PARD3B: variants seen among roughly 807,000 people sequenced by gnomAD.
PARD3B encodes par-3 family cell polarity regulator beta, also known as partitioning defective 3 homolog B.
Under a neutral mutation model 130.2 loss-of-function variants are expected in PARD3B, and 103 were observed. The observed-to-expected ratio is 0.79, with a 90% confidence interval of 0.67 to 0.93. PARD3B has a LOEUF of 0.93. Among genes scored for constraint, PARD3B ranks in the 40% least tolerant of loss-of-function variants. The pLI, the probability that PARD3B is intolerant of heterozygous loss-of-function variation, is 0.00. For synonymous variants in PARD3B, 583 were observed against 553.2 expected (o/e 1.05, Z -0.76); for missense variants, 1,609 against 1,499.2 (o/e 1.07, Z -1.21).
chr2:205,354,230 C>T (rs1199439556), intron 18 of PARD3B, among the ~76,000 whole-genome samples: 1 of 150,974 alleles, frequency 6.6e-6, no homozygotes, highest in Non-Finnish European at 1.5e-5. Flanking sequence ...TTTAAAAGTT[C>T]CCCTGGTGGT....
chr2:205,315,001 C>G (rs1245718832), intron 18 of PARD3B, among the ~76,000 whole-genome samples: 1 of 152,148 alleles, frequency 6.6e-6, no homozygotes, highest in East Asian at 1.9e-4. Flanking sequence ...CCACTGCCAC[C>G]ACTCTAATTC....
At chr2:205,338,985 T>G (rs768925703) in intron 18 of PARD3B, among the ~76,000 whole-genome samples, 1 of 152,214 alleles carries the variant, frequency 6.6e-6, no homozygotes, top group Non-Finnish European at 1.5e-5. Flanking sequence ...CAATGAAATG[T>G]ATACTACCCT....
chr2:205,181,531 C>T (rs2035787606), intron 13 of PARD3B, among the ~76,000 whole-genome samples: 1 of 152,136 alleles, frequency 6.6e-6, no homozygotes, highest in African/African-American at 2.4e-5. Flanking sequence ...TCAATTCTGC[C>T]ATCGTAGAGC....
chr2:204,976,393 G>A (rs1017443369), intron 3 of PARD3B, among the ~76,000 whole-genome samples: 2 of 151,968 alleles, frequency 1.3e-5, no homozygotes, highest in Non-Finnish European at 2.9e-5. Flanking sequence ...TAAAACAAGG[G>A]TAATATTACC....
At chr2:205,484,536 A>G (rs1054891955) in intron 20 of PARD3B, among the ~76,000 whole-genome samples, 1 of 152,114 alleles carries the variant, frequency 6.6e-6, no homozygotes, top group Non-Finnish European at 1.5e-5. Context: ...TTTAAATGAG[A>G]TTTTTTTCAA....
intron 18 of PARD3B, among the ~76,000 whole-genome samples, chr2:205,350,652 C>G (rs1051934625): frequency 6.6e-6 from 1 of 152,028 alleles, no homozygotes; most frequent in Admixed American, 6.6e-5. Flanking sequence ...TTTTATGGTA[C>G]CTTAATAGCC....
chr2:205,389,494 C>G (rs2045776012), intron 18 of PARD3B, among the ~76,000 whole-genome samples: 1 of 152,142 alleles, frequency 6.6e-6, no homozygotes. Context: ...TCCCAAGTAG[C>G]TGGGATTACA....
chr2:204,825,599 T>A (rs1205526130), intron 2 of PARD3B, among the ~76,000 whole-genome samples: 1 of 152,212 alleles, frequency 6.6e-6, no homozygotes, highest in Non-Finnish European at 1.5e-5. Flanking sequence ...CAGTGAAGAC[T>A]AAACAGAAAA....
chr2:204,950,709 C>A (rs1423056601), intron 2 of PARD3B, among the ~76,000 whole-genome samples: 1 of 152,202 alleles, frequency 6.6e-6, no homozygotes, highest in African/African-American at 2.4e-5. Context: ...CTTAAACTGT[C>A]TTCTAAGGTA....
intron 2 of PARD3B, among the ~76,000 whole-genome samples, chr2:204,770,674 G>T (rs909636851): frequency 2.0e-5 from 3 of 151,988 alleles, no homozygotes; most frequent in African/African-American, 4.8e-5. Context: ...GTTTGTGCAA[G>T]ATTTTTATTT....
rs1431808584 is a variant in PARD3B at position 205,091,033 on chromosome 2, A to G, written c.505-13393A>G. Reference sequence around the variant, plus strand: ...CCAGAGATGATATTTGGATTAAATCATCACTGTCTAATAGAAGCAGTTATA... The same window carrying G: ...CCAGAGATGATATTTGGATTAAATCGTCACTGTCTAATAGAAGCAGTTATA... On this transcript the variant is annotated intron_variant, in intron 4 of 22. Transcript: ENST00000406610. The surrounding 1 kb of genome is among the most constrained non-coding windows in gnomAD (Gnocchi z 4.2). Among the ~76,000 whole-genome samples, 1 of 152,244 alleles carries G rather than the reference A, an allele frequency of 6.6e-6. No homozygotes were observed. Among genetic ancestry groups the G allele is most frequent in the Non-Finnish European group, 1.5e-5 (1 of 68,054 alleles).
Position 205,341,991 on chromosome 2 carries a change from C to T in PARD3B, c.2630+40290C>T, listed in dbSNP as rs1370223853. On this transcript the variant is annotated intron_variant, in intron 18 of 22. Transcript: ENST00000406610. The surrounding 1 kb of genome is among the most constrained non-coding windows in gnomAD (Gnocchi z 4.3). ...TCCCTAGTTAATCAAAACAGCATTGCATATGACTGTATTTCTCCAGTTTTA... is the reference window on the plus strand; with the variant it reads ...TCCCTAGTTAATCAAAACAGCATTGTATATGACTGTATTTCTCCAGTTTTA... 6.6e-6 allele frequency among the ~76,000 whole-genome samples: 1 copy of T among 152,070 alleles called. No homozygotes were observed. The highest frequency in any genetic ancestry group is 2.4e-5 in the African/African-American group (1 of 41,440).
At chr2:205,331,950 A>T (rs2043150398) in intron 18 of PARD3B, among the ~76,000 whole-genome samples, 1 of 151,848 alleles carries the variant, frequency 6.6e-6, no homozygotes. Flanking sequence ...CTAAAAATAC[A>T]AAAAATTAGC....
intron 1 of PARD3B, among the ~76,000 whole-genome samples, chr2:204,604,506 A>G (rs2033637976): frequency 1.3e-5 from 2 of 152,146 alleles, no homozygotes; most frequent in Admixed American, 6.5e-5. Context: ...TGAAAGTCAT[A>G]TGTTTTAAAC....
At chr2:204,737,728 G>A (rs1301578610) in intron 2 of PARD3B, among the ~76,000 whole-genome samples, 1 of 152,020 alleles carries the variant, frequency 6.6e-6, no homozygotes, top group African/African-American at 2.4e-5. Context: ...TAAGTCTTTG[G>A]TCTATCTTGA....
rs1189425372 is a variant in PARD3B at position 205,125,478 on chromosome 2, T to A, written c.1306-131T>A. On this transcript the variant is annotated intron_variant, in intron 9 of 22. Transcript: ENST00000406610. This position sits in a 1 kb window ranked among gnomAD's most constrained non-coding sequence, Gnocchi z 4.0. The stretch of plus-strand genomic sequence containing the variant: ...AATATTGTTGGGTTTTGCCCATGTA[T>A]TTAGTTATCATCTTTTCAGAGCTTC... 5.9e-6 allele frequency: 6 copies of A among 1,021,586 alleles called. No homozygotes were observed. The East Asian group carries it at 1.5e-4, about 26-fold the overall frequency. The allele number at this position is 1,021,586 out of a possible 1,614,324, so 63.3% of individuals were successfully genotyped here.
chr2:205,542,376 GTGTGTGTA>G (rs1440676324), intron 21 of PARD3B, among the ~76,000 whole-genome samples: 1 of 146,420 alleles, frequency 6.8e-6, no homozygotes, highest in Non-Finnish European at 1.5e-5. Flanking sequence ...GTGTGTGTGT[GTGTGTGTA>G]TGTATGTATG....
chr2:205,470,969 G>C lies in PARD3B; in HGVS notation c.3045-28927G>C, dbSNP rs561873094. The stretch of plus-strand genomic sequence containing the variant: ...GAGTTTTCAAGCCCAGGAATGATGT[G>C]AATCAGACATCAGAAGGGAGAATCA... On this transcript the variant is annotated intron_variant, in intron 20 of 22. Coordinates refer to ENST00000406610, the MANE Select transcript of PARD3B (RefSeq NM_001302769.2). The surrounding 1 kb of genome is among the most constrained non-coding windows in gnomAD (Gnocchi z 4.8). 6.6e-6 allele frequency among the ~76,000 whole-genome samples: 1 copy of C among 152,188 alleles called. No homozygotes were observed. The highest frequency in any genetic ancestry group is 6.5e-5 in the Admixed American group (1 of 15,280).
At position 205,176,420 on chromosome 2, in the gene PARD3B, T is replaced by C. The variant is rs2035471309; in HGVS notation, c.1792-25T>C. ...AGTTGGAACATATTAAAAATGCAAA[T>C]GTAATTTTTACTTTTATCTCTTAGG... On this transcript the variant is annotated intron_variant, in intron 12 of 22. Transcript: ENST00000406610. This position sits in a 1 kb window ranked among gnomAD's most constrained non-coding sequence, Gnocchi z 5.3. The C allele has an allele frequency of 6.3e-7, 1 of 1,577,704 alleles. No homozygotes were observed. Among genetic ancestry groups the C allele is most frequent in the East Asian group, 2.3e-5 (1 of 44,328 alleles).
Sources: gnomAD v4.1 joint callset for allele counts (sites outside exome capture counted in the v4.1 genomes callset) on GRCh38, gnomAD v4.1.1 for gene constraint, Gnocchi (gnomAD v3.1) non-coding constraint, MANE v1.5 for transcripts, NCBI Gene and HGNC (gene_info 2026-07-23, HGNC 2026-07-21) for gene names.